The following UVRAG variants were observed in gnomAD, a reference collection of about 807,000 sequenced individuals.
UVRAG encodes UV radiation resistance associated.
A neutral mutation model predicts 78.0 loss-of-function variants in UVRAG; 19 were observed. That is an observed-to-expected ratio of 0.24 (90% CI 0.17 to 0.36). UVRAG has a LOEUF of 0.36. Among genes scored for constraint, UVRAG ranks in the 10% least tolerant of loss-of-function variants. The pLI is 1.00. For synonymous variants in UVRAG, 323 were observed against 324.6 expected, an observed-to-expected ratio of 1.00 and a Z score of 0.05; for missense variants, 740 against 853.8, an observed-to-expected ratio of 0.87 and a Z score of 1.66.
chr11:75,827,201 C>G (rs551154913), intron 1 of UVRAG, among the ~76,000 whole-genome samples: 59 of 149,592 alleles, frequency 3.9e-4, no homozygotes, highest in African/African-American at 1.5e-3. Context: ...GGCTTATGAT[C>G]TGTTTTTTTT....
chr11:76,082,278 C>T (rs1204740218), intron 13 of UVRAG, among the ~76,000 whole-genome samples: 1 of 152,266 alleles, frequency 6.6e-6, no homozygotes, highest in East Asian at 1.9e-4. Context: ...CGGTGGCTCA[C>T]GCCTGTAATC....
At chr11:76,061,601 C>T (rs755604422) in intron 12 of UVRAG, among the ~76,000 whole-genome samples, 4 of 151,690 alleles carry the variant, frequency 2.6e-5, no homozygotes, top group African/African-American at 9.7e-5. Context: ...ACTCCAGACG[C>T]GCCACCTTAA....
At chr11:75,974,926 G>A (rs1293165691) in intron 7 of UVRAG, among the ~76,000 whole-genome samples, 1 of 152,106 alleles carries the variant, frequency 6.6e-6, no homozygotes, top group Non-Finnish European at 1.5e-5. Flanking sequence ...TGTTGCTTTT[G>A]GTGTTTTAGA....
chr11:76,032,415 A>C (rs1950452368), intron 12 of UVRAG, among the ~76,000 whole-genome samples: 1 of 152,224 alleles, frequency 6.6e-6, no homozygotes, highest in Non-Finnish European at 1.5e-5. Context: ...TCTCTAATTC[A>C]TTGAAAATGA....
chr11:75,917,820 A>G (rs1359205756), intron 6 of UVRAG, among the ~76,000 whole-genome samples: 3 of 152,226 alleles, frequency 2.0e-5, no homozygotes, highest in Admixed American at 1.3e-4. Context: ...ATGATAAACC[A>G]TATTGATTCT....
intron 8 of UVRAG, among the ~76,000 whole-genome samples, chr11:75,990,734 C>T (rs1322367088): frequency 6.6e-6 from 1 of 152,176 alleles, no homozygotes; most frequent in East Asian, 1.9e-4. Flanking sequence ...GTTAAATGTA[C>T]TACTGTGTGT....
Position 75,988,298 on chromosome 11 carries a change from A to G in UVRAG, c.826+4785A>G, listed in dbSNP as rs140718703. 4.4e-3 allele frequency among the ~76,000 whole-genome samples: 669 copies of G among 152,340 alleles called. 1 individual carries two copies. Among genetic ancestry groups the G allele is most frequent in the African/African-American group, 0.015 (625 of 41,576 alleles). The stretch of plus-strand genomic sequence containing the variant: ...TTCTTTCCTCCATCGTTTGACCACT[A>G]GCAATTACTGATGTGCTTTCTGATA... On this transcript the variant is annotated intron_variant, in intron 8 of 14. Transcript: ENST00000356136.
intron 1 of UVRAG, among the ~76,000 whole-genome samples, chr11:75,831,064 T>G (rs1052529069): frequency 4.6e-5 from 7 of 152,242 alleles, no homozygotes; most frequent in African/African-American, 1.7e-4. Flanking sequence ...GTGTCATAAA[T>G]TTCCCTAAAA....
intron 11 of UVRAG, 35 bp from the exon 12 acceptor site, chr11:76,016,780 A>C: frequency 1.3e-6 from 2 of 1,537,954 alleles, no homozygotes; most frequent in East Asian, 2.3e-5. Flanking sequence ...TAAGGTAAAT[A>C]GTTATTTTCT....
chr11:75,881,423 C>T (rs901748581), intron 4 of UVRAG, among the ~76,000 whole-genome samples: 1 of 152,182 alleles, frequency 6.6e-6, no homozygotes, highest in Non-Finnish European at 1.5e-5. Flanking sequence ...ACAGGTGATA[C>T]ACAAACGGTT....
At chr11:76,011,746 T>TTG in intron 11 of UVRAG, among the ~76,000 whole-genome samples, 1 of 152,194 alleles carries the variant, frequency 6.6e-6, no homozygotes, top group African/African-American at 2.4e-5. Flanking sequence ...TAAGAGATGG[T>TTG]TAAGACATTG....
At chr11:76,058,264 C>T (rs1472858190) in intron 12 of UVRAG, among the ~76,000 whole-genome samples, 1 of 152,100 alleles carries the variant, frequency 6.6e-6, no homozygotes, top group East Asian at 1.9e-4. Flanking sequence ...GGCATGGTCA[C>T]TCATGCCTGT....
At chr11:75,827,482 G>T (rs960596199) in intron 1 of UVRAG, among the ~76,000 whole-genome samples, 1 of 151,988 alleles carries the variant, frequency 6.6e-6, no homozygotes, top group Non-Finnish European at 1.5e-5. Context: ...GTGGTGGCGG[G>T]CACCTGTAAT....
chr11:75,898,741 T>G (rs980777054), intron 5 of UVRAG, among the ~76,000 whole-genome samples: 3 of 152,196 alleles, frequency 2.0e-5, no homozygotes, highest in Non-Finnish European at 4.4e-5. Flanking sequence ...TCCTTTAACT[T>G]ATAGCGTCTT....
At chr11:76,005,350 A>C (rs1949913106) in intron 9 of UVRAG, among the ~76,000 whole-genome samples, 1 of 152,236 alleles carries the variant, frequency 6.6e-6, no homozygotes, top group Non-Finnish European at 1.5e-5. Flanking sequence ...CTTAAAAAAA[A>C]AAAAGTGCTA....
chr11:75,916,228 T>G (rs892115641), intron 6 of UVRAG: 2 of 152,222 alleles, frequency 1.3e-5, no homozygotes, highest in Non-Finnish European at 2.9e-5. Context: ...AACTGCCATG[T>G]GTAGGTAGAC....
intron 14 of UVRAG, among the ~76,000 whole-genome samples, chr11:76,117,831 G>C (rs964213158): frequency 6.6e-6 from 1 of 152,246 alleles, no homozygotes; most frequent in African/African-American, 2.4e-5. Context: ...CCTCCTCTGA[G>C]AGAGTGAGAG....
chr11:75,852,170 A>C (rs1311240047), intron 2 of UVRAG, among the ~76,000 whole-genome samples, 170 bp downstream of exon 2: 1 of 152,228 alleles, frequency 6.6e-6, no homozygotes, highest in African/African-American at 2.4e-5. Context: ...GAAAGATGGC[A>C]GTTGGATAGT....
chr11:75,833,374 C>G (rs1250815144), intron 1 of UVRAG, among the ~76,000 whole-genome samples: 1 of 152,158 alleles, frequency 6.6e-6, no homozygotes, highest in African/African-American at 2.4e-5. Flanking sequence ...CTCTCTTTCT[C>G]TCTTTCTGAA....
Sources: gnomAD v4.1 joint callset for allele counts (sites outside exome capture counted in the v4.1 genomes callset) on GRCh38, gnomAD v4.1.1 for gene constraint, MANE v1.5 for transcripts, NCBI Gene and HGNC (gene_info 2026-07-23, HGNC 2026-07-21) for gene names.